OPCML: variants seen among roughly 807,000 people sequenced by gnomAD.
OPCML encodes opioid binding protein/cell adhesion molecule like, also known as opioid-binding protein/cell adhesion molecule.
Under a neutral mutation model 37.8 loss-of-function variants are expected in OPCML, and 13 were observed. The ratio of observed to expected loss-of-function variants is 0.34; its 90% CI spans 0.22 to 0.55. The LOEUF is 0.55. OPCML is among the 20% of genes least tolerant of loss of function. The pLI is 0.91. For synonymous variants in OPCML, 176 were observed against 168.8 expected (o/e 1.04, Z -0.33); for missense variants, 341 against 435.6 (o/e 0.78, Z 1.93).
At chr11:132,764,347 C>A (rs775891812) in intron 2 of OPCML, among the ~76,000 whole-genome samples, 1 of 152,142 alleles carries the variant, frequency 6.6e-6, no homozygotes, top group Non-Finnish European at 1.5e-5. Context: ...AGCCTGTGAG[C>A]CTTTCCTCAT....
rs2095945630 is a variant in OPCML at position 132,418,322 on chromosome 11, A to AATGCCTTT, written c.*1863_*1870dup. ...CCTGCAGCACACCTGTGCGGTCTGCAATGCCTTTATTTTGAATCCCAGGCA... is the reference window on the plus strand; with the variant it reads ...CCTGCAGCACACCTGTGCGGTCTGCAATGCCTTTATGCCTTTATTTTGAATCCCAGGCA... On this transcript the variant is annotated 3_prime_UTR_variant, in exon 8 of 8. Coordinates refer to ENST00000524381, the MANE Select transcript of OPCML (RefSeq NM_001012393.5). The AATGCCTTT allele has an allele frequency of 6.6e-6, 1 of 152,196 alleles. No individual in the cohort carries two copies. Among genetic ancestry groups the AATGCCTTT allele is most frequent in the Admixed American group, 6.5e-5 (1 of 15,274 alleles). 9.4% of individuals were successfully genotyped at this position (152,196 alleles called of 1,614,324 possible). A position where few individuals can be genotyped will look rare whatever the true frequency, so the allele number is the denominator to read the frequency against.
chr11:132,820,607 G>A (rs1424128180), intron 2 of OPCML, among the ~76,000 whole-genome samples: 4 of 152,094 alleles, frequency 2.6e-5, no homozygotes, highest in East Asian at 3.9e-4. Flanking sequence ...GTGTGCCATC[G>A]GAAATCAAGG....
chr11:132,596,293 G>A (rs910396691), intron 3 of OPCML, among the ~76,000 whole-genome samples: 3 of 152,132 alleles, frequency 2.0e-5, no homozygotes, highest in African/African-American at 7.2e-5. Flanking sequence ...GGCCAGATGG[G>A]TTTGAACAGA....
rs1281589666 is a variant in OPCML, at chr11:133,479,028, T to C, written c.61+53236A>G. ...TTCATTGCTTTTCTTTTTTTGTATC[T>C]GTATAATGGAGATGATAACAGGACG... On this transcript the variant is annotated intron_variant, in intron 1 of 7. Coordinates refer to ENST00000524381, the MANE Select transcript of OPCML (RefSeq NM_001012393.5). 3.3e-5 allele frequency among the ~76,000 whole-genome samples: 5 copies of C among 152,190 alleles called. No individual in the cohort carries two copies. The East Asian group carries it at 9.6e-4, about 29-fold the overall frequency.
At chr11:132,546,141 A>T (rs80092384) in intron 3 of OPCML, among the ~76,000 whole-genome samples, 2,422 of 152,290 alleles carry the variant, frequency 0.016, 56 homozygotes, top group African/African-American at 0.05. Flanking sequence ...TGATTACATC[A>T]TGTCACCTTT....
intron 3 of OPCML, among the ~76,000 whole-genome samples, chr11:132,624,790 A>T (rs1210655979): frequency 6.6e-6 from 1 of 152,088 alleles, no homozygotes; most frequent in Non-Finnish European, 1.5e-5. Flanking sequence ...TCCGAAACAA[A>T]TCCTCATACT....
chr11:132,529,256 C>T, intron 3 of OPCML, 70 bp from the exon 4 acceptor site: 1 of 1,507,798 alleles, frequency 6.6e-7, no homozygotes, highest in Non-Finnish European at 8.9e-7. Context: ...TGTTAGCCTA[C>T]AAATTTTTGT....
intron 1 of OPCML, among the ~76,000 whole-genome samples, chr11:133,330,494 T>C (rs1017743537): frequency 6.6e-6 from 1 of 152,118 alleles, no homozygotes. Flanking sequence ...CACCATGGAA[T>C]ACTATGCAGC....
chr11:132,525,757 G>T (rs1425922343), intron 4 of OPCML: 1 of 152,112 alleles, frequency 6.6e-6, no homozygotes, highest in African/African-American at 2.4e-5. Context: ...ATGCAGTTTT[G>T]TTACATAGGT....
chr11:132,479,784 G>A lies in OPCML; in HGVS notation c.506-42425C>T, dbSNP rs191020096. Among the ~76,000 whole-genome samples, 1,318 of 152,212 alleles carry A rather than the reference G, an allele frequency of 8.7e-3. 5 individuals carry two copies. The highest frequency in any genetic ancestry group is 0.029 in the African/African-American group (1,212 of 41,536). Reference sequence around the variant, plus strand: ...GGGCAGACTGACACCTCACAGGGCCGGGTACTCCAACAGACCTGCAGCTGA... The same window carrying A: ...GGGCAGACTGACACCTCACAGGGCCAGGTACTCCAACAGACCTGCAGCTGA... On this transcript the variant is annotated intron_variant, in intron 4 of 7. Coordinates refer to ENST00000524381, the MANE Select transcript of OPCML (RefSeq NM_001012393.5).
chr11:132,989,600 AGCGT>A (rs1266293978), intron 1 of OPCML, among the ~76,000 whole-genome samples: 8 of 121,874 alleles, frequency 6.6e-5, no homozygotes, highest in East Asian at 2.5e-4. Context: ...AAGGTCCTAG[AGCGT>A]GTGTGTGTGT....
In OPCML at chr11:133,297,986, A is replaced by C. The variant is rs1319758131; in HGVS notation, c.61+234278T>G. On this transcript the variant is annotated intron_variant, in intron 1 of 7. Transcript: ENST00000524381. ...CCTCCCCTTCTTTCTCCAATTTCTC[A>C]TCCTCTTCCTTCTATTTCTCCCCCT... is the stretch of plus-strand genomic sequence containing the variant. 4.0e-5 allele frequency: 6 copies of C among 151,838 alleles called. No individual in the cohort carries two copies. In the East Asian group the frequency reaches 9.7e-4, roughly 24 times the overall value. The allele number at this position is 151,838 out of a possible 1,614,324, so 9.4% of individuals were successfully genotyped here.
At chr11:132,858,650 A>G (rs1326203124) in intron 2 of OPCML, among the ~76,000 whole-genome samples, 1 of 152,130 alleles carries the variant, frequency 6.6e-6, no homozygotes, top group African/African-American at 2.4e-5. Flanking sequence ...TGACTCTGGT[A>G]GCAGCATTAG....
At chr11:132,897,350 T>C (rs900859690) in intron 2 of OPCML, among the ~76,000 whole-genome samples, 4 of 152,280 alleles carry the variant, frequency 2.6e-5, no homozygotes, top group African/African-American at 9.6e-5. Context: ...TGACCGGAGC[T>C]GCCCATCATG....
intron 7 of OPCML, among the ~76,000 whole-genome samples, chr11:132,422,901 CTG>C (rs1258574194): frequency 6.6e-6 from 1 of 152,226 alleles, no homozygotes; most frequent in African/African-American, 2.4e-5. Context: ...TGCAGTGTCT[CTG>C]TATGAATGTG....
At chr11:133,060,813 C>T (rs1296638031) in intron 1 of OPCML, among the ~76,000 whole-genome samples, 1 of 152,232 alleles carries the variant, frequency 6.6e-6, no homozygotes, top group Admixed American at 6.5e-5. Flanking sequence ...CAGCTGGCTG[C>T]ATGCAGAGAT....
intron 1 of OPCML, among the ~76,000 whole-genome samples, chr11:133,231,512 C>A (rs1315232066): frequency 1.3e-5 from 2 of 152,158 alleles, no homozygotes; most frequent in African/African-American, 4.8e-5. Flanking sequence ...TAGGGCAGAG[C>A]TCTCCTGAGA....
intron 4 of OPCML, among the ~76,000 whole-genome samples, chr11:132,444,906 G>C (rs1237940750): frequency 6.6e-6 from 1 of 152,328 alleles, no homozygotes; most frequent in Admixed American, 6.5e-5. Context: ...TGAAAAGTGT[G>C]ATAAACCCAC....
chr11:133,440,345 G>T (rs906188884), intron 1 of OPCML, among the ~76,000 whole-genome samples: 2 of 148,708 alleles, frequency 1.3e-5, no homozygotes, highest in African/African-American at 5.0e-5. Context: ...GTTGCGGTGA[G>T]CCAAGATCGC....
Sources: allele counts gnomAD v4.1 joint callset (sites outside exome capture counted in the v4.1 genomes callset), GRCh38; gene constraint gnomAD v4.1.1; transcripts MANE v1.5; gene names NCBI Gene and HGNC (gene_info 2026-07-23, HGNC 2026-07-21).